The following CCDC85A variants were observed in gnomAD, a reference collection of about 807,000 sequenced individuals.
CCDC85A encodes the protein coiled-coil domain-containing protein 85A.
A neutral mutation model predicts 50.2 loss-of-function variants in CCDC85A; 38 were observed. That is an observed-to-expected ratio of 0.76 (90% CI 0.58 to 0.99). The LOEUF (loss-of-function observed/expected upper bound fraction) is 0.99. Among genes scored for constraint, CCDC85A ranks in the 50% least tolerant of loss-of-function variants. CCDC85A has a pLI of 0.00. For synonymous variants in CCDC85A, 366 were observed against 301.4 expected, an observed-to-expected ratio of 1.21 and a Z score of -2.22; for missense variants, 820 against 742.0, an observed-to-expected ratio of 1.11 and a Z score of -1.22.
At chr2:56,229,359 G>A (rs1668682662) in intron 2 of CCDC85A, among the ~76,000 whole-genome samples, 1 of 152,136 alleles carries the variant, frequency 6.6e-6, no homozygotes, top group Non-Finnish European at 1.5e-5. Flanking sequence ...GGACATGTGT[G>A]ATGTTTTCTT....
intron 2 of CCDC85A, among the ~76,000 whole-genome samples, chr2:56,215,726 A>C (rs781194662): frequency 1.1e-4 from 16 of 151,820 alleles, no homozygotes; most frequent in Non-Finnish European, 2.2e-4. Flanking sequence ...GTTTGAAGGT[A>C]CATTAATCTT....
intron 2 of CCDC85A, among the ~76,000 whole-genome samples, chr2:56,292,256 T>G (rs1011329156): frequency 2.0e-5 from 3 of 152,080 alleles, no homozygotes; most frequent in African/African-American, 7.2e-5. Context: ...CTAATTTTTT[T>G]GTATTTTTAG....
rs554362743 is a variant in CCDC85A, at chr2:56,233,270, A to G, written c.1240+39830A>G. On this transcript the variant is annotated intron_variant, in intron 2 of 5. Coordinates refer to ENST00000407595, the MANE Select transcript of CCDC85A (RefSeq NM_001080433.2). ...TGACAGGGTTAAGTCAAATTACATA[A>G]CAGGGGACTGAGGGGCCAGGACTGG... is the stretch of plus-strand genomic sequence containing the variant. Among the ~76,000 whole-genome samples, 27 of 150,684 alleles carry G rather than the reference A, an allele frequency of 1.8e-4. No homozygotes were observed. The South Asian group carries it at 5.6e-3, about 31-fold the overall frequency.
chr2:56,358,116 G>A (rs562745966), intron 3 of CCDC85A, among the ~76,000 whole-genome samples: 23 of 152,240 alleles, frequency 1.5e-4, no homozygotes, highest in African/African-American at 5.1e-4. Context: ...TGCATCTCTT[G>A]AAGCAAGATA....
rs544576533 is a variant in CCDC85A at position 56,362,862 on chromosome 2, G to A, written c.1318-9482G>A. On this transcript the variant is annotated intron_variant, in intron 3 of 5. Transcript: ENST00000407595. ...TGGTCTCAAACTCCTGACCTCAGGT[G>A]ATCTGTCCCCTTGACCTCCCAAAGT... 2.0e-4 allele frequency among the ~76,000 whole-genome samples: 30 copies of A among 152,164 alleles called. No homozygotes were observed. In the South Asian group the frequency reaches 6.2e-3, roughly 32 times the overall value.
intron 2 of CCDC85A, among the ~76,000 whole-genome samples, chr2:56,194,078 C>T (rs992855713): frequency 6.6e-6 from 1 of 152,158 alleles, no homozygotes; most frequent in Non-Finnish European, 1.5e-5. Context: ...CCTTTCTACT[C>T]ACTCAAAATC....
intron 2 of CCDC85A, among the ~76,000 whole-genome samples, chr2:56,299,063 C>G (rs933649094): frequency 6.6e-6 from 1 of 152,096 alleles, no homozygotes; most frequent in Non-Finnish European, 1.5e-5. Context: ...GTGTGGAAGG[C>G]CTGAATAAAG....
chr2:56,279,249 A>T (rs942266820), intron 2 of CCDC85A, among the ~76,000 whole-genome samples: 5 of 152,030 alleles, frequency 3.3e-5, no homozygotes, highest in Non-Finnish European at 5.9e-5. Flanking sequence ...CAGGCTTTTT[A>T]AAAAAAATTT....
chr2:56,292,335 G>A lies in CCDC85A; in HGVS notation c.1241-50544G>A, dbSNP rs112563283. 3.6e-3 allele frequency among the ~76,000 whole-genome samples: 548 copies of A among 152,126 alleles called. 3 individuals are homozygous for A. Among genetic ancestry groups the A allele is most frequent in the African/African-American group, 0.012 (496 of 41,512 alleles). On this transcript the variant is annotated intron_variant, in intron 2 of 5. Coordinates refer to ENST00000407595, the MANE Select transcript of CCDC85A (RefSeq NM_001080433.2). The stretch of plus-strand genomic sequence containing the variant: ...CCTGACCTCGTGATCCACCCGCCTC[G>A]GCCTCCCAAAGTGCTGCTATTACAG...
intron 2 of CCDC85A, among the ~76,000 whole-genome samples, chr2:56,290,674 T>C (rs544067445): frequency 6.6e-6 from 1 of 152,360 alleles, no homozygotes; most frequent in Non-Finnish European, 1.5e-5. Flanking sequence ...ATTATCATTG[T>C]TAATGTTTCA....
intron 2 of CCDC85A, among the ~76,000 whole-genome samples, chr2:56,322,392 C>T (rs566362960): frequency 6.6e-6 from 1 of 152,136 alleles, no homozygotes; most frequent in Non-Finnish European, 1.5e-5. Flanking sequence ...GCAATCTACT[C>T]ATCTGACAAA....
At chr2:56,186,323 C>T (rs532623384) in intron 1 of CCDC85A, among the ~76,000 whole-genome samples, 3 of 152,160 alleles carry the variant, frequency 2.0e-5, no homozygotes, top group Non-Finnish European at 4.4e-5. Context: ...ATTCTAGAAA[C>T]CTCATTTGCC....
intron 2 of CCDC85A, among the ~76,000 whole-genome samples, chr2:56,222,480 A>C (rs1480677609): frequency 6.6e-6 from 1 of 152,146 alleles, no homozygotes; most frequent in African/African-American, 2.4e-5. Flanking sequence ...TCATGCAAAG[A>C]GGAATATTCC....
intron 2 of CCDC85A, among the ~76,000 whole-genome samples, chr2:56,305,858 C>G (rs1199199996): frequency 1.3e-5 from 2 of 152,206 alleles, no homozygotes; most frequent in Non-Finnish European, 2.9e-5. Context: ...ATTTAATAAT[C>G]AAGTTCTCCT....
chr2:56,289,882 G>A (rs1166790360), intron 2 of CCDC85A, among the ~76,000 whole-genome samples: 1 of 152,152 alleles, frequency 6.6e-6, no homozygotes, highest in African/African-American at 2.4e-5. Context: ...ATCTTTGTCA[G>A]ATGGTTTCTA....
chr2:56,266,166 G>A (rs1670430695), intron 2 of CCDC85A, among the ~76,000 whole-genome samples: 3 of 152,180 alleles, frequency 2.0e-5, no homozygotes, highest in African/African-American at 7.2e-5. Context: ...GGTGGGGAAA[G>A]GGGAAATGTC....
chr2:56,246,224 C>G (rs1669504070), intron 2 of CCDC85A, among the ~76,000 whole-genome samples: 1 of 152,092 alleles, frequency 6.6e-6, no homozygotes, highest in African/African-American at 2.4e-5. Context: ...ACGCCCGGCC[C>G]AAGTTATTTG....
At chr2:56,233,976 T>C (rs939579390) in intron 2 of CCDC85A, among the ~76,000 whole-genome samples, 4 of 152,210 alleles carry the variant, frequency 2.6e-5, no homozygotes, top group African/African-American at 9.6e-5. Context: ...GGCTGGGTTG[T>C]TTCTCAAGCA....
intron 3 of CCDC85A, among the ~76,000 whole-genome samples, chr2:56,354,853 T>A (rs963682038): frequency 6.6e-6 from 1 of 152,224 alleles, no homozygotes; most frequent in Non-Finnish European, 1.5e-5. Flanking sequence ...TACAAAGTAT[T>A]CTAACATCAA....
Sources: allele counts gnomAD v4.1 joint callset (sites outside exome capture counted in the v4.1 genomes callset), GRCh38; gene constraint gnomAD v4.1.1; transcripts MANE v1.5; gene names NCBI Gene and HGNC (gene_info 2026-07-23, HGNC 2026-07-21).